Variants in TKFC observed in about 807,000 individuals in gnomAD.
TKFC encodes the protein triokinase/FMN cyclase.
A neutral mutation model predicts 61.0 loss-of-function variants in TKFC; 46 were observed. That is an observed-to-expected ratio of 0.75 (90% confidence interval 0.60 to 0.96). The LOEUF (loss-of-function observed/expected upper bound fraction) is 0.96, where lower values mean the gene tolerates loss of function less well. Ranked by LOEUF, TKFC falls within the 50% of genes least tolerant of loss-of-function variation. The pLI is 0.00. For synonymous variants in TKFC, 314 were observed against 330.1 expected (o/e 0.95, Z 0.53); for missense variants, 715 against 777.5 (o/e 0.92, Z 0.96).
At position 61,333,290 on chromosome 11, in the gene TKFC, C is replaced by G. The variant is rs948794631; in HGVS notation, c.-149C>G. ...CGGGGTCTCCGGGAAGTCGCGGCGC[C>G]TTCGGATGTGGCGGATGCGGCCGTG... On this transcript the variant is annotated 5_prime_UTR_variant, in exon 1 of 18. Coordinates refer to ENST00000394900, the MANE Select transcript of TKFC (RefSeq NM_015533.4). The G allele has an allele frequency of 4.1e-6, 1 of 242,168 alleles. No individual in the cohort carries two copies. The highest frequency in any genetic ancestry group is 7.9e-6 in the Non-Finnish European group (1 of 126,578). 15.0% of individuals were successfully genotyped at this position (242,168 alleles called of 1,614,324 possible). A position where few individuals can be genotyped will look rare whatever the true frequency, so the allele number is the denominator to read the frequency against.
chr11:61,345,791 G>C, intron 16 of TKFC, 46 bp downstream of exon 16: 1 of 1,614,198 alleles, frequency 6.2e-7, no homozygotes, highest in Non-Finnish European at 8.5e-7. Context: ...TTTTGGCCCT[G>C]TAAGTCTAAA....
In TKFC at chr11:61,345,328, G is replaced by T. The variant is rs1207197886; in HGVS notation, c.1309G>T (p.Val437Phe). The change falls in exon 14 of 18, where the codon GTC becomes TTC. Residue 437 changes from valine (V) to phenylalanine (F), a missense_variant. By Grantham distance (50) the Val-to-Phe change is conservative. Transcript: ENST00000394900. ...TGCCCAGCTGCTCTCCAAGTTGTCT[G>T]TCCTGCTCCTGGAGAAGATGGGAGG... ...SPAQLLSKLS[V>F]LLLEKMGGSS... is the part of the protein sequence containing the mutation. 4 of 1,606,384 alleles carry T rather than the reference G, an allele frequency of 2.5e-6. No individual in the cohort carries two copies. In the Admixed American group the frequency reaches 6.7e-5, roughly 27 times the overall value.
rs777200706 is a variant in TKFC at position 61,337,922 on chromosome 11, T to C, written c.4-19T>C. 25 of 1,588,108 alleles carry C rather than the reference T, an allele frequency of 1.6e-5. No homozygotes were observed. Among genetic ancestry groups the C allele is most frequent in the African/African-American group, 2.7e-5 (2 of 73,816 alleles). On this transcript the variant is annotated intron_variant, in intron 2 of 17. Coordinates refer to ENST00000394900, the MANE Select transcript of TKFC (RefSeq NM_015533.4). ...TGTACTGACCACATTCTGACCTCCT[T>C]CTCACTCCTCCCTTGCAGACCTCCA...
Position 61,343,951 on chromosome 11 carries a change from G to T in TKFC, c.1078G>T (p.Ala360Ser). Residue 360 changes from alanine to serine, a missense_variant, in exon 12 of 18, where the codon GCC (alanine) becomes TCC (serine). Physicochemically the swap from Ala to Ser is moderately conservative, Grantham distance 99. Transcript: ENST00000394900. Reference protein sequence around the residue: ...SRVAPAEPQEAPDSTAAGGSA... With the variant: ...SRVAPAEPQESPDSTAAGGSA... ...GGTAGCCCCTGCCGAGCCCCAGGAG[G>T]CCCCTGATTCCACTGCTGCAGGAGG... 6.2e-7 allele frequency: 1 copy of T among 1,611,562 alleles called. No homozygotes were observed. The highest frequency in any genetic ancestry group is 8.5e-7 in the Non-Finnish European group (1 of 1,179,986).
In TKFC at chr11:61,343,419, A is replaced by G; in HGVS notation, c.943A>G (p.Thr315Ala). The G allele has an allele frequency of 6.2e-7, 1 of 1,613,888 alleles. No individual in the cohort carries two copies. The highest frequency in any genetic ancestry group is 2.2e-5 in the East Asian group (1 of 44,872). The change falls in exon 11 of 18, where the codon ACC (threonine) becomes GCC (alanine). Residue 315 changes from threonine (T) to alanine (A), a missense_variant. Transcript: ENST00000394900. ...ACTGGAGATGCCTGGCATTTCTCTC[A>G]CCCTCCTGCTGGTGGATGAGCCTCT... ...SALEMPGISL[T>A]LLLVDEPLLK... is the part of the protein sequence containing the mutation.
chr11:61,341,296 T>G (rs1856840128), intron 5 of TKFC, 140 bp from the exon 6 acceptor site: 1 of 893,208 alleles, frequency 1.1e-6, no homozygotes, highest in African/African-American at 1.6e-5. Flanking sequence ...TCTTCTGCCC[T>G]AAATGTGATG....
intron 5 of TKFC, among the ~76,000 whole-genome samples, chr11:61,340,018 A>C (rs1265075017): frequency 6.7e-6 from 1 of 148,198 alleles, no homozygotes; most frequent in Non-Finnish European, 1.5e-5. Context: ...TTATTTATTT[A>C]TTTATTTTTT....
chr11:61,334,793 G>C, intron 2 of TKFC, 62 bp downstream of exon 2: 1 of 1,612,674 alleles, frequency 6.2e-7, no homozygotes, highest in East Asian at 2.2e-5. Context: ...TCCCAGCCTT[G>C]GGCAAGCTAA....
chr11:61,344,660 G>A (rs565465773), intron 13 of TKFC, among the ~76,000 whole-genome samples: 4 of 152,072 alleles, frequency 2.6e-5, no homozygotes, highest in East Asian at 1.9e-4. Flanking sequence ...CACCACACCC[G>A]GCCGACAGGG....
intron 9 of TKFC, 33 bp downstream of exon 9, chr11:61,342,691 C>T (rs368457128): frequency 6.2e-7 from 1 of 1,613,754 alleles, no homozygotes; most frequent in Non-Finnish European, 8.5e-7. Context: ...CTCCCAACCC[C>T]TCCTAAACCT....
chr11:61,336,119 C>T (rs1856598245), intron 2 of TKFC: 1 of 154,298 alleles, frequency 6.5e-6, no homozygotes, highest in Non-Finnish European at 1.5e-5. Context: ...ATGAGACATG[C>T]TCAAAAACAC....
chr11:61,343,509 AGGAG>A, intron 11 of TKFC, 51 bp downstream of exon 11: 1 of 1,552,350 alleles, frequency 6.4e-7, no homozygotes. Context: ...TGTAACTGGA[AGGAG>A]CCAGGGAGAC....
At chr11:61,350,759 G>C (rs1857364907), downstream of TKFC, 1 of 617,224 alleles carries the variant, frequency 1.6e-6, no homozygotes, top group African/African-American at 1.8e-5. Flanking sequence ...CAGTGATTTG[G>C]GGGGGAAATT....
rs1857188467 is a variant in TKFC, at chr11:61,347,524, G to C, written c.*1021G>C. On this transcript the variant is annotated 3_prime_UTR_variant, in exon 18 of 18. Transcript: ENST00000394900. ...ACTATACTCCAGCCTGGGCAACAAA[G>C]CGAGACCCTGTCTCAAAAAAAAAAA... 4 of 965,856 alleles carry C rather than the reference G, an allele frequency of 4.1e-6. No homozygotes were observed. The highest frequency in any genetic ancestry group is 4.9e-6 in the Non-Finnish European group (4 of 823,142). The allele number at this position is 965,856 out of a possible 1,614,324, so 59.8% of individuals were successfully genotyped here.
At chr11:61,350,674 A>T, downstream of TKFC, 1 of 599,996 alleles carries the variant, frequency 1.7e-6, no homozygotes, top group Non-Finnish European at 2.9e-6. Flanking sequence ...GGTAAAGGAG[A>T]AATCACACAC....
At chr11:61,352,694 C>A, downstream of TKFC, 1 of 751,776 alleles carries the variant, frequency 1.3e-6, no homozygotes, top group Non-Finnish European at 1.8e-6. Flanking sequence ...GCAATGACAA[C>A]AATACCAATC....
rs771473210 is a variant in TKFC, at chr11:61,346,357, G to A, written c.1582G>A (p.Glu528Lys). 20 of 1,612,534 alleles carry A rather than the reference G, an allele frequency of 1.2e-5. No individual in the cohort carries two copies. Among genetic ancestry groups the A allele is most frequent in the Admixed American group, 1.2e-4 (7 of 60,008 alleles). The change falls in exon 18 of 18, where the codon GAA becomes AAA. Residue 528 changes from glutamate to lysine, a missense_variant. Coordinates refer to ENST00000394900, the MANE Select transcript of TKFC (RefSeq NM_015533.4). This position sits in a 1 kb window ranked among gnomAD's most constrained non-coding sequence, Gnocchi z 4.1. The stretch of plus-strand genomic sequence containing the variant: ...CCCACACCCCATCCCCCAGAGTGCC[G>A]AAGCTGCAGCCGAGGCCACCAAGAA... ...QVLTKAVKSA[E>K]AAAEATKNME...
chr11:61,336,335 CG>C (rs1856605971), intron 2 of TKFC: 1 of 154,350 alleles, frequency 6.5e-6, no homozygotes, highest in Non-Finnish European at 1.5e-5. Flanking sequence ...AAGCCACAGC[CG>C]GAAGTTCACC....
downstream of TKFC, chr11:61,352,942 T>A: frequency 6.2e-7 from 1 of 1,613,952 alleles, no homozygotes; most frequent in Middle Eastern, 1.7e-4. Flanking sequence ...AAGACCCTAT[T>A]CCCTCCTCTT....
Sources: gnomAD v4.1 joint callset for allele counts (sites outside exome capture counted in the v4.1 genomes callset) on GRCh38, gnomAD v4.1.1 for gene constraint, Gnocchi (gnomAD v3.1) non-coding constraint, MANE v1.5 for transcripts, NCBI Gene and HGNC (gene_info 2026-07-23, HGNC 2026-07-21) for gene names.